KIAA1217: variants seen among roughly 807,000 people sequenced by gnomAD.
The protein encoded by KIAA1217 is sickle tail protein homolog.
A neutral mutation model predicts 163.9 loss-of-function variants in KIAA1217; 88 were observed. The observed-to-expected ratio is 0.54, with a 90% confidence interval of 0.45 to 0.64. The LOEUF is 0.64. KIAA1217 is among the 30% of genes least tolerant of loss of function. The pLI, the probability that KIAA1217 is intolerant of heterozygous loss-of-function variation, is 0.00. For synonymous variants in KIAA1217, 903 were observed against 923.1 expected, an observed-to-expected ratio of 0.98 and a Z score of 0.39; for missense variants, 2,372 against 2,475.0, an observed-to-expected ratio of 0.96 and a Z score of 0.88.
At chr10:24,247,543 T>C (rs1350310457) in intron 2 of KIAA1217, among the ~76,000 whole-genome samples, 2 of 152,212 alleles carry the variant, frequency 1.3e-5, no homozygotes, top group Admixed American at 1.3e-4. Context: ...ACGCTTGTAA[T>C]CCCAGCACTT....
intron 2 of KIAA1217, among the ~76,000 whole-genome samples, chr10:24,280,647 T>TA (rs1477173911): frequency 1.3e-5 from 2 of 151,506 alleles, no homozygotes; most frequent in African/African-American, 2.4e-5. Context: ...CCATCTCTAC[T>TA]AAAAAACAAA....
intron 1 of KIAA1217, among the ~76,000 whole-genome samples, chr10:23,878,351 T>C (rs1263239477): frequency 6.6e-6 from 1 of 151,926 alleles, no homozygotes; most frequent in African/African-American, 2.4e-5. Context: ...TTGCTTAAAA[T>C]GATCTTATTA....
intron 2 of KIAA1217, among the ~76,000 whole-genome samples, chr10:24,186,225 G>A (rs1356535131): frequency 6.6e-6 from 1 of 152,066 alleles, no homozygotes; most frequent in Non-Finnish European, 1.5e-5. Context: ...ACTGGGGTTT[G>A]GACTTCCAAT....
At chr10:24,305,820 G>T (rs2041946432) in intron 2 of KIAA1217, among the ~76,000 whole-genome samples, 1 of 152,160 alleles carries the variant, frequency 6.6e-6, no homozygotes, top group African/African-American at 2.4e-5. Flanking sequence ...CCATTAAGCA[G>T]CTGGGAATAC....
At chr10:24,505,249 A>G (rs1381055676) in intron 9 of KIAA1217, among the ~76,000 whole-genome samples, 1 of 150,214 alleles carries the variant, frequency 6.7e-6, no homozygotes, top group Non-Finnish European at 1.5e-5. Context: ...TGGCTAATCT[A>G]GTATGTTCTC....
At chr10:24,406,064 G>T (rs904953390) in intron 3 of KIAA1217, among the ~76,000 whole-genome samples, 3 of 152,210 alleles carry the variant, frequency 2.0e-5, no homozygotes, top group Admixed American at 1.3e-4. Context: ...AAAATAGAAG[G>T]CTTTCACATC....
At chr10:24,321,373 T>C (rs770809367) in intron 2 of KIAA1217, among the ~76,000 whole-genome samples, 6 of 151,920 alleles carry the variant, frequency 3.9e-5, no homozygotes, top group Non-Finnish European at 7.4e-5. Flanking sequence ...ACCCCATCTC[T>C]ACTAAAAATA....
intron 2 of KIAA1217, among the ~76,000 whole-genome samples, chr10:24,070,029 A>G (rs891539387): frequency 1.3e-5 from 2 of 152,138 alleles, no homozygotes; most frequent in Non-Finnish European, 2.9e-5. Flanking sequence ...TTGTAGAGAT[A>G]GTGTCTCACT....
intron 1 of KIAA1217, among the ~76,000 whole-genome samples, chr10:23,895,327 C>T (rs963111436): frequency 8.5e-5 from 13 of 152,084 alleles, no homozygotes; most frequent in African/African-American, 2.6e-4. Context: ...AACAAGTGAG[C>T]GAAGGACATG....
chr10:23,861,443 T>C (rs1839945398), intron 1 of KIAA1217, among the ~76,000 whole-genome samples: 1 of 152,206 alleles, frequency 6.6e-6, no homozygotes, highest in Non-Finnish European at 1.5e-5. Context: ...GCTGTGAATA[T>C]GTTACATTAC....
intron 5 of KIAA1217, among the ~76,000 whole-genome samples, chr10:24,465,290 G>A (rs920594917): frequency 6.6e-6 from 1 of 152,174 alleles, no homozygotes; most frequent in African/African-American, 2.4e-5. Flanking sequence ...ATTTTTCCTA[G>A]TGAGACATCT....
At chr10:23,737,643 A>C (rs1308130720) in intron 1 of KIAA1217, among the ~76,000 whole-genome samples, 4 of 152,206 alleles carry the variant, frequency 2.6e-5, no homozygotes, top group Non-Finnish European at 5.9e-5. Flanking sequence ...AAACAGAATA[A>C]AAAATAGTAC....
intron 2 of KIAA1217, among the ~76,000 whole-genome samples, chr10:24,370,968 GTC>G (rs1315216290): frequency 5.9e-5 from 9 of 152,212 alleles, no homozygotes; most frequent in Non-Finnish European, 8.8e-5. Flanking sequence ...AGGGGTGAAA[GTC>G]TGAGTTAATG....
At chr10:24,186,342 T>C (rs1170342633) in intron 2 of KIAA1217, among the ~76,000 whole-genome samples, 1 of 152,180 alleles carries the variant, frequency 6.6e-6, no homozygotes, top group Non-Finnish European at 1.5e-5. Flanking sequence ...TCTTGAGTCA[T>C]ACTTTACACC....
intron 2 of KIAA1217, among the ~76,000 whole-genome samples, chr10:24,139,198 A>T (rs976235978): frequency 2.0e-5 from 3 of 152,062 alleles, no homozygotes; most frequent in African/African-American, 7.2e-5. Context: ...TTTAATATTT[A>T]CTTCTACTTC....
At chr10:24,182,438 T>TCACACACACACACACACA (rs3222547) in intron 2 of KIAA1217, among the ~76,000 whole-genome samples, 2,991 of 144,836 alleles carry the variant, frequency 0.021, 53 homozygotes, top group Middle Eastern at 0.024. Flanking sequence ...CAAGACTCCA[T>TCACACACACACACACACA]CACACACACA....
chr10:24,187,412 A>G (rs187122863), intron 2 of KIAA1217, among the ~76,000 whole-genome samples: 2 of 152,222 alleles, frequency 1.3e-5, no homozygotes, highest in East Asian at 3.9e-4. Context: ...TCACTGCTCT[A>G]TACTTCTCCA....
At chr10:24,514,187 A>G (rs938240133) in intron 10 of KIAA1217, among the ~76,000 whole-genome samples, 5 of 152,214 alleles carry the variant, frequency 3.3e-5, no homozygotes, top group African/African-American at 1.2e-4. Context: ...ATGAAGATTT[A>G]TCATAGAACT....
chr10:23,994,120 G>A (rs373749257), intron 1 of KIAA1217, among the ~76,000 whole-genome samples: 1 of 152,164 alleles, frequency 6.6e-6, no homozygotes, highest in Non-Finnish European at 1.5e-5. Flanking sequence ...ATTTAGAGTC[G>A]TCTTTGGTCT....
Sources: allele counts gnomAD v4.1 joint callset (sites outside exome capture counted in the v4.1 genomes callset), GRCh38; gene constraint gnomAD v4.1.1; transcripts MANE v1.5; gene names NCBI Gene and HGNC (gene_info 2026-07-23, HGNC 2026-07-21).